Variants in DNM3 observed in about 807,000 individuals in gnomAD.
DNM3 encodes dynamin-3.
DNM3 carries 47 observed loss-of-function variants against 101.6 expected under a neutral mutation model. The observed-to-expected ratio is 0.46, with a 90% CI of 0.37 to 0.59. The LOEUF is 0.59. Among genes scored for constraint, DNM3 ranks in the 20% least tolerant of loss-of-function variants. DNM3 has a pLI of 0.00. For synonymous variants in DNM3, 385 were observed against 387.9 expected (o/e 0.99, Z 0.09); for missense variants, 849 against 1,085.7 (o/e 0.78, Z 3.06).
intron 10 of DNM3, among the ~76,000 whole-genome samples, chr1:172,067,838 T>C (rs2051815168): frequency 6.6e-6 from 1 of 152,214 alleles, no homozygotes; most frequent in African/African-American, 2.4e-5. Flanking sequence ...ACATATATTT[T>C]CTGTGGGGGA....
At chr1:172,197,116 T>C (rs2059980715) in intron 14 of DNM3, among the ~76,000 whole-genome samples, 1 of 152,194 alleles carries the variant, frequency 6.6e-6, no homozygotes, top group Admixed American at 6.6e-5. Flanking sequence ...AGCTTCAGTC[T>C]TCTGCATATG....
chr1:171,980,413 C>T (rs1571933253), intron 2 of DNM3, among the ~76,000 whole-genome samples: 1 of 152,116 alleles, frequency 6.6e-6, no homozygotes, highest in South Asian at 2.1e-4. Flanking sequence ...GGGTAGTCAG[C>T]ATATCCATCA....
chr1:171,860,656 A>G (rs1366654705), intron 1 of DNM3, among the ~76,000 whole-genome samples: 1 of 152,138 alleles, frequency 6.6e-6, no homozygotes, highest in African/African-American at 2.4e-5. Flanking sequence ...AAGTAGCAGC[A>G]GAGAGATGGG....
chr1:172,101,640 C>T (rs1572513531), intron 13 of DNM3, among the ~76,000 whole-genome samples: 2 of 152,260 alleles, frequency 1.3e-5, no homozygotes, highest in Middle Eastern at 6.8e-3. Flanking sequence ...CTCAGTTTTA[C>T]AGATGGGAAA....
At chr1:172,296,479 C>A (rs1455148550) in intron 15 of DNM3, among the ~76,000 whole-genome samples, 1 of 152,218 alleles carries the variant, frequency 6.6e-6, no homozygotes, top group Non-Finnish European at 1.5e-5. Flanking sequence ...ACTCTCAAAA[C>A]AACCCTCCTA....
intron 15 of DNM3, among the ~76,000 whole-genome samples, chr1:172,273,085 T>C (rs1410634731): frequency 6.6e-6 from 1 of 152,100 alleles, no homozygotes; most frequent in Non-Finnish European, 1.5e-5. Context: ...AGTGTTCAAT[T>C]GCAAAAGACA....
At position 171,921,947 on chromosome 1, in the gene DNM3, T is replaced by G. The variant is rs548008812; in HGVS notation, c.235+126T>G. 17 of 717,618 alleles carry G rather than the reference T, an allele frequency of 2.4e-5. No individual in the cohort carries two copies. The South Asian group carries it at 3.1e-4, about 13-fold the overall frequency. 44.5% of individuals were successfully genotyped at this position (717,618 alleles called of 1,614,324 possible). On this transcript the variant is annotated intron_variant, in intron 2 of 20. Transcript: ENST00000627582. Reference sequence around the variant, plus strand: ...CCCCACTGTGGGCAGCTGCCCACATTTCTCTCCAGAATGCTGCCTTCTTCA... The same window carrying G: ...CCCCACTGTGGGCAGCTGCCCACATGTCTCTCCAGAATGCTGCCTTCTTCA...
intron 4 of DNM3, among the ~76,000 whole-genome samples, chr1:172,015,635 C>G (rs1359245024): frequency 6.6e-6 from 1 of 152,052 alleles, no homozygotes; most frequent in Non-Finnish European, 1.5e-5. Context: ...TGTAAACTCT[C>G]TATAATTGCT....
chr1:171,977,376 T>G (rs2044455174), intron 2 of DNM3, among the ~76,000 whole-genome samples: 1 of 152,152 alleles, frequency 6.6e-6, no homozygotes, highest in Non-Finnish European at 1.5e-5. Flanking sequence ...AGAATGGGAA[T>G]ATGGCTTAAA....
chr1:172,306,295 A>G (rs957612259), intron 15 of DNM3, among the ~76,000 whole-genome samples: 12 of 152,214 alleles, frequency 7.9e-5, no homozygotes, highest in Non-Finnish European at 7.3e-5. Flanking sequence ...CAAAGAGAAT[A>G]AAATACCTAG....
At chr1:172,337,845 A>AT (rs1553237928) in intron 17 of DNM3, among the ~76,000 whole-genome samples, 4 of 145,446 alleles carry the variant, frequency 2.8e-5, no homozygotes, top group Admixed American at 2.0e-4. Flanking sequence ...TATTCATTTT[A>AT]TTTTATTTTA....
intron 14 of DNM3, among the ~76,000 whole-genome samples, chr1:172,206,157 A>G (rs1368369537): frequency 6.6e-6 from 1 of 152,136 alleles, no homozygotes; most frequent in East Asian, 1.9e-4. Context: ...GCAAAATTCG[A>G]ATTTTTACTT....
chr1:172,177,678 G>A (rs151313907), intron 14 of DNM3, among the ~76,000 whole-genome samples: 134 of 151,990 alleles, frequency 8.8e-4, no homozygotes, highest in African/African-American at 3.1e-3. Flanking sequence ...AGTAAGGGAA[G>A]TAATGTTAAA....
At chr1:172,076,408 A>G (rs914448837) in intron 11 of DNM3, among the ~76,000 whole-genome samples, 5 of 152,216 alleles carry the variant, frequency 3.3e-5, no homozygotes, top group Non-Finnish European at 7.3e-5. Flanking sequence ...TTCAAAGGGA[A>G]TGCTTCCAGC....
rs745651671 is a variant in DNM3, at chr1:172,304,222, A to AAAAAAAAAAAAAAAAAAAC, written c.1770-4506_1770-4505insAAAAAAAAAAAAAAAAAAC. Among the ~76,000 whole-genome samples the AAAAAAAAAAAAAAAAAAAC allele has an allele frequency of 2.8e-3, 366 of 128,740 alleles. 9 individuals are homozygous for AAAAAAAAAAAAAAAAAAAC. The highest frequency in any genetic ancestry group is 3.9e-3 in the Middle Eastern group (1 of 258). The allele number at this position is 128,740 out of a possible 152,430, so 84.5% of individuals were successfully genotyped here. A position where few individuals can be genotyped will look rare whatever the true frequency, so the allele number is the denominator to read the frequency against. On this transcript the variant is annotated intron_variant, in intron 15 of 20. Coordinates refer to ENST00000627582, the MANE Select transcript of DNM3 (RefSeq NM_015569.5). ...AAAGGAAAGCAAAAAAAAAAAAAAAACAGGAGTTGCAATCCTAGTCTCTGA... is the reference window on the plus strand; with the variant it reads ...AAAGGAAAGCAAAAAAAAAAAAAAAAAAAAAAAAAAAAAAAAAACCAGGAGTTGCAATCCTAGTCTCTGA...
intron 1 of DNM3, among the ~76,000 whole-genome samples, chr1:171,852,504 T>A (rs2033095344): frequency 6.6e-6 from 1 of 152,212 alleles, no homozygotes; most frequent in African/African-American, 2.4e-5. Context: ...ATCCAGTGGG[T>A]ACAGGATTGC....
intron 12 of DNM3, among the ~76,000 whole-genome samples, chr1:172,084,249 TA>T (rs911248759): frequency 4.3e-4 from 65 of 151,928 alleles, no homozygotes; most frequent in Non-Finnish European, 6.2e-4. Context: ...GGAAATCCTT[TA>T]AAAAAAACTA....
intron 19 of DNM3, 64 bp from the exon 20 acceptor site, chr1:172,388,509 T>G: frequency 7.2e-7 from 1 of 1,391,626 alleles, no homozygotes; most frequent in Non-Finnish European, 1.0e-6. Context: ...TTACAAAACA[T>G]TTTTAGAGAT....
chr1:172,404,972 G>T (rs1434658238), intron 20 of DNM3, among the ~76,000 whole-genome samples: 1 of 152,032 alleles, frequency 6.6e-6, no homozygotes, highest in African/African-American at 2.4e-5. Context: ...AGATCATCTA[G>T]TCTGATTGTA....
Sources: allele counts gnomAD v4.1 joint callset (sites outside exome capture counted in the v4.1 genomes callset), GRCh38; gene constraint gnomAD v4.1.1; transcripts MANE v1.5; gene names NCBI Gene and HGNC (gene_info 2026-07-23, HGNC 2026-07-21).